The following KCNAB1 variants were observed in gnomAD, a reference collection of about 807,000 sequenced individuals.
The protein encoded by KCNAB1 is potassium voltage-gated channel subfamily A regulatory beta subunit 1.
In KCNAB1, 35 loss-of-function variants were observed where a neutral mutation model predicts 64.6. The observed-to-expected ratio is 0.54, with a 90% confidence interval of 0.41 to 0.72. The LOEUF (loss-of-function observed/expected upper bound fraction) is 0.72, where lower values mean the gene tolerates loss of function less well. KCNAB1 is among the 30% of genes least tolerant of loss of function. The probability of loss-of-function intolerance (pLI) is 0.00; values close to 1 mark genes in which losing one functional copy is unlikely to be tolerated. For missense variants in KCNAB1, 401 were observed against 512.9 expected (o/e 0.78, Z 2.11); for synonymous variants, 177 against 183.8 (o/e 0.96, Z 0.30).
chr3:156,222,825 A>G (rs1166228146), intron 1 of KCNAB1, among the ~76,000 whole-genome samples: 2 of 152,240 alleles, frequency 1.3e-5, no homozygotes, highest in Non-Finnish European at 2.9e-5. Context: ...CTGATCCTGA[A>G]TGATTGTTGG....
intron 1 of KCNAB1, among the ~76,000 whole-genome samples, chr3:156,387,794 C>T (rs1322273553): frequency 3.3e-5 from 5 of 152,060 alleles, no homozygotes; most frequent in Non-Finnish European, 5.9e-5. Flanking sequence ...TGTGAATGAG[C>T]GGGCACTCTT....
intron 1 of KCNAB1, among the ~76,000 whole-genome samples, chr3:156,234,068 A>G (rs1433832993): frequency 6.6e-6 from 1 of 152,074 alleles, no homozygotes; most frequent in Non-Finnish European, 1.5e-5. Flanking sequence ...TGATTCTGAC[A>G]ATCCTGAGGC....
intron 1 of KCNAB1, among the ~76,000 whole-genome samples, chr3:156,396,577 C>T (rs879181979): frequency 6.6e-6 from 1 of 152,212 alleles, no homozygotes; most frequent in Non-Finnish European, 1.5e-5. Flanking sequence ...TGACTCCATC[C>T]TCTTCCACCA....
chr3:156,170,163 A>G (rs923693305), intron 1 of KCNAB1, among the ~76,000 whole-genome samples: 4 of 150,868 alleles, frequency 2.7e-5, no homozygotes, highest in Admixed American at 1.3e-4. Context: ...CAATTGAACA[A>G]TTGGTTCCTA....
chr3:156,395,267 CG>C (rs1713341983), intron 1 of KCNAB1, among the ~76,000 whole-genome samples: 1 of 149,870 alleles, frequency 6.7e-6, no homozygotes, highest in Non-Finnish European at 1.5e-5. Context: ...TTGTTAGGGC[CG>C]GGCGCGGTGG....
chr3:156,444,690 C>T (rs1717270701), intron 2 of KCNAB1, among the ~76,000 whole-genome samples: 1 of 152,244 alleles, frequency 6.6e-6, no homozygotes, highest in African/African-American at 2.4e-5. Context: ...CCTGTCTTTA[C>T]ATCCCAGCGC....
intron 1 of KCNAB1, among the ~76,000 whole-genome samples, chr3:156,329,569 A>C (rs1298646233): frequency 1.3e-5 from 2 of 152,144 alleles, no homozygotes; most frequent in East Asian, 3.9e-4. Flanking sequence ...TGGACAGAGC[A>C]TCCTAAGGGG....
intron 3 of KCNAB1, among the ~76,000 whole-genome samples, chr3:156,455,738 G>A (rs1308869740): frequency 6.6e-6 from 1 of 152,144 alleles, no homozygotes; most frequent in Non-Finnish European, 1.5e-5. Flanking sequence ...GCTTCCCAGC[G>A]AGTCTCTGGC....
chr3:156,252,827 G>T (rs564466315), intron 1 of KCNAB1, among the ~76,000 whole-genome samples: 1 of 152,166 alleles, frequency 6.6e-6, no homozygotes, highest in South Asian at 2.1e-4. Flanking sequence ...TTTCCAACGC[G>T]CATTGTCTTA....
At chr3:156,367,906 C>T (rs1193619894) in intron 1 of KCNAB1, among the ~76,000 whole-genome samples, 1 of 152,186 alleles carries the variant, frequency 6.6e-6, no homozygotes, top group Non-Finnish European at 1.5e-5. Flanking sequence ...TACAGGATCT[C>T]CTTCCCTATC....
At chr3:156,479,767 T>A (rs1175204322) in intron 8 of KCNAB1, among the ~76,000 whole-genome samples, 1 of 152,114 alleles carries the variant, frequency 6.6e-6, no homozygotes, top group African/African-American at 2.4e-5. Flanking sequence ...CGGTTCCAGT[T>A]ATTAATTTTT....
chr3:156,372,636 G>A (rs1480508829), intron 1 of KCNAB1, among the ~76,000 whole-genome samples: 1 of 152,222 alleles, frequency 6.6e-6, no homozygotes, highest in African/African-American at 2.4e-5. Context: ...ACACTCAGTA[G>A]GTGTGAGCTA....
intron 7 of KCNAB1, among the ~76,000 whole-genome samples, chr3:156,469,852 G>A (rs1713747077): frequency 6.6e-6 from 1 of 152,190 alleles, no homozygotes; most frequent in Non-Finnish European, 1.5e-5. Flanking sequence ...AGAAAAGCAA[G>A]GACATGAGAT....
At chr3:156,526,457 T>C (rs888719575) in intron 12 of KCNAB1, among the ~76,000 whole-genome samples, 1 of 152,224 alleles carries the variant, frequency 6.6e-6, no homozygotes, top group Admixed American at 6.5e-5. Flanking sequence ...GTAATAAATA[T>C]TAAAAATTGA....
chr3:156,281,654 G>A (rs913758158), intron 1 of KCNAB1, among the ~76,000 whole-genome samples: 1 of 152,054 alleles, frequency 6.6e-6, no homozygotes, highest in Non-Finnish European at 1.5e-5. Flanking sequence ...CCTGTTATTG[G>A]GCTATTCAGA....
intron 1 of KCNAB1, among the ~76,000 whole-genome samples, chr3:156,247,776 G>T (rs1717553416): frequency 6.6e-6 from 1 of 152,060 alleles, no homozygotes; most frequent in African/African-American, 2.4e-5. Context: ...TGTTGCCCAG[G>T]CTGGCCTTGA....
chr3:156,429,167 C>G (rs548177489), intron 2 of KCNAB1, among the ~76,000 whole-genome samples: 5 of 152,298 alleles, frequency 3.3e-5, no homozygotes, highest in African/African-American at 9.6e-5. Context: ...GCTGCCCTGA[C>G]GGTTCTGAAG....
At chr3:156,499,082 T>C (rs1241302214) in intron 8 of KCNAB1, among the ~76,000 whole-genome samples, 1 of 152,196 alleles carries the variant, frequency 6.6e-6, no homozygotes, top group Admixed American at 6.5e-5. Context: ...TGTTTGCTTA[T>C]TATGAGAGTG....
intron 1 of KCNAB1, chr3:156,175,945 T>C: frequency 1.0e-6 from 1 of 978,978 alleles, no homozygotes; most frequent in East Asian, 2.6e-5. Flanking sequence ...GGAGCCAGCA[T>C]GGCCGGGCAG....
Sources: allele counts gnomAD v4.1 joint callset (sites outside exome capture counted in the v4.1 genomes callset), GRCh38; gene constraint gnomAD v4.1.1; transcripts MANE v1.5; gene names NCBI Gene and HGNC (gene_info 2026-07-23, HGNC 2026-07-21).